Variants in XKR6 observed in about 807,000 individuals in gnomAD.
XKR6 encodes the protein XK related 6, also known as XK-related protein 6.
In XKR6, 22 loss-of-function variants were observed where a neutral mutation model predicts 56.7. That is an observed-to-expected ratio of 0.39 (90% CI 0.28 to 0.55). The LOEUF (loss-of-function observed/expected upper bound fraction) is 0.55. XKR6 is among the 20% of genes least tolerant of loss of function. The pLI is 0.66. For missense variants in XKR6, 852 were observed against 889.0 expected (o/e 0.96, Z 0.53); for synonymous variants, 524 against 387.8 (o/e 1.35, Z -4.13).
chr8:10,913,268 A>C (rs539196653), intron 2 of XKR6, among the ~76,000 whole-genome samples: 2 of 151,972 alleles, frequency 1.3e-5, no homozygotes, highest in African/African-American at 2.4e-5. Flanking sequence ...CAGGACAGAG[A>C]TCCATCTGCC....
At chr8:11,184,380 TAC>T (rs1563202233) in intron 1 of XKR6, among the ~76,000 whole-genome samples, 1 of 128,782 alleles carries the variant, frequency 7.8e-6, no homozygotes, top group Non-Finnish European at 1.6e-5. Flanking sequence ...TATATATATA[TAC>T]ACACATACAC....
intron 1 of XKR6, among the ~76,000 whole-genome samples, chr8:11,086,789 C>G (rs1797907144): frequency 6.6e-6 from 1 of 152,210 alleles, no homozygotes; most frequent in Non-Finnish European, 1.5e-5. Context: ...AAAGTAAGCA[C>G]AGTAGCTTGT....
chr8:11,149,295 A>G (rs1032947448), intron 1 of XKR6, among the ~76,000 whole-genome samples: 6 of 152,242 alleles, frequency 3.9e-5, no homozygotes, highest in Non-Finnish European at 8.8e-5. Flanking sequence ...ATGGCAGGCT[A>G]CCATAGTGAA....
In XKR6 at chr8:10,898,834, G is replaced by T; in HGVS notation, c.1044C>A (p.Asp348Glu). The part of the protein sequence containing the change: ...YHKLLRDSRD[D>E]KKSMSYRGAI... ...CCCCTCTGTAGCTCATGCTCTTCTT[G>T]TCGTCCCTGGAGTCCCGCAGCAGCT... Residue 348 changes from aspartate to glutamate, a missense_variant, in exon 3 of 3, where the codon GAC becomes GAA. Around this residue, in one of 4 missense-constraint regions of XKR6, gnomAD observed 199 missense variants for 280.4 expected, o/e 0.71. Transcript: ENST00000416569. This position sits in a 1 kb window ranked among gnomAD's most constrained non-coding sequence, Gnocchi z 6.6. 1 of 1,614,140 alleles carries T rather than the reference G, an allele frequency of 6.2e-7. No homozygotes were observed. Among genetic ancestry groups the T allele is most frequent in the Non-Finnish European group, 8.5e-7 (1 of 1,180,030 alleles).
intron 1 of XKR6, among the ~76,000 whole-genome samples, chr8:11,176,170 T>C (rs1435761385): frequency 6.6e-6 from 1 of 152,184 alleles, no homozygotes; most frequent in Non-Finnish European, 1.5e-5. Context: ...ATTATCCCAT[T>C]TTGAAACCGG....
rs535499610 is a variant in XKR6 at position 11,033,172 on chromosome 8, G to T, written c.765-108342C>A. Among the ~76,000 whole-genome samples the T allele has an allele frequency of 5.3e-5, 8 of 151,986 alleles. No individual in the cohort carries two copies. The East Asian group carries it at 1.4e-3, about 26-fold the overall frequency. ...GGTGATGAAGGGGTTGATGATGATG[G>T]TAATGGTGGTGAGGATGATGGTGAT... On this transcript the variant is annotated intron_variant, in intron 1 of 2. Transcript: ENST00000416569.
intron 1 of XKR6, among the ~76,000 whole-genome samples, chr8:11,055,130 C>G (rs535899552): frequency 5.3e-5 from 8 of 152,166 alleles, no homozygotes; most frequent in Non-Finnish European, 1.0e-4. Flanking sequence ...GGGACTGCCA[C>G]CCAAGTATAG....
chr8:10,927,740 C>T (rs796652311), intron 1 of XKR6, among the ~76,000 whole-genome samples: 34 of 152,272 alleles, frequency 2.2e-4, no homozygotes, highest in African/African-American at 8.2e-4. Flanking sequence ...CAGGAGGAGC[C>T]AATCTTGATG....
intron 1 of XKR6, among the ~76,000 whole-genome samples, chr8:11,073,163 T>G (rs998652966): frequency 6.6e-6 from 1 of 152,238 alleles, no homozygotes; most frequent in African/African-American, 2.4e-5. Context: ...TTAGCTTGTC[T>G]GATTGATATC....
intron 1 of XKR6, among the ~76,000 whole-genome samples, chr8:10,930,933 T>G (rs999789809): frequency 1.3e-5 from 2 of 152,152 alleles, no homozygotes; most frequent in African/African-American, 4.8e-5. Context: ...TTCAGTGCAG[T>G]AAGTCAAGAA....
chr8:10,984,776 A>G (rs1797823215), intron 1 of XKR6, among the ~76,000 whole-genome samples: 1 of 142,756 alleles, frequency 7.0e-6, no homozygotes, highest in South Asian at 2.2e-4. Context: ...ATGTGCATGA[A>G]GAAAACATTA....
chr8:11,151,010 T>G (rs1376574003), intron 1 of XKR6, among the ~76,000 whole-genome samples: 1 of 152,186 alleles, frequency 6.6e-6, no homozygotes, highest in African/African-American at 2.4e-5. Context: ...CTTAAAATTA[T>G]GTTAGAATTC....
chr8:11,108,324 C>A (rs761214705), intron 1 of XKR6: 27 of 456,066 alleles, frequency 5.9e-5, no homozygotes, highest in Middle Eastern at 3.2e-4. Flanking sequence ...TATGAAACAA[C>A]AGAATCCTAA....
chr8:10,946,235 C>T (rs1386343897), intron 1 of XKR6, among the ~76,000 whole-genome samples: 2 of 151,978 alleles, frequency 1.3e-5, no homozygotes, highest in African/African-American at 4.8e-5. Flanking sequence ...TCAGCTCTGC[C>T]CACAGGAGGG....
At chr8:10,944,296 T>C (rs1025113213) in intron 1 of XKR6, among the ~76,000 whole-genome samples, 1 of 152,128 alleles carries the variant, frequency 6.6e-6, no homozygotes, top group African/African-American at 2.4e-5. Context: ...GCAGGAAAGA[T>C]TTAAGTTGAA....
chr8:11,104,077 T>C (rs988371611), intron 1 of XKR6, among the ~76,000 whole-genome samples: 2 of 152,212 alleles, frequency 1.3e-5, no homozygotes, highest in African/African-American at 4.8e-5. Flanking sequence ...AGAAAGCAGG[T>C]GTCTGCCTCA....
intron 1 of XKR6, among the ~76,000 whole-genome samples, chr8:11,044,360 AT>A (rs1400036060): frequency 6.6e-6 from 1 of 152,186 alleles, no homozygotes; most frequent in African/African-American, 2.4e-5. Flanking sequence ...TTGAATATGT[AT>A]TCTCAGCCAA....
intron 1 of XKR6, among the ~76,000 whole-genome samples, chr8:11,028,278 T>G (rs931267394): frequency 1.3e-5 from 2 of 152,224 alleles, no homozygotes; most frequent in African/African-American, 4.8e-5. Context: ...TTTTCATAGC[T>G]TGGTAGCTCA....
chr8:11,050,228 G>A (rs1799511152), intron 1 of XKR6, among the ~76,000 whole-genome samples: 2 of 152,334 alleles, frequency 1.3e-5, no homozygotes, highest in Admixed American at 6.5e-5. Context: ...ACAGGGAGGG[G>A]CAATGTAACT....
Sources: allele counts gnomAD v4.1 joint callset (sites outside exome capture counted in the v4.1 genomes callset), GRCh38; gene constraint gnomAD v4.1.1; regional missense constraint gnomAD v4.1.1; non-coding constraint Gnocchi (gnomAD v3.1); transcripts MANE v1.5; gene names NCBI Gene and HGNC (gene_info 2026-07-23, HGNC 2026-07-21).